Variants in GOSR2 observed in about 807,000 individuals in gnomAD.
The protein encoded by GOSR2 is golgi SNAP receptor complex member 2, also known as 27 kDa Golgi SNARE protein.
GOSR2 carries 20 observed loss-of-function variants against 27.9 expected under a neutral mutation model. That is an observed-to-expected ratio of 0.72 (90% CI 0.50 to 1.04). The LOEUF (loss-of-function observed/expected upper bound fraction) is 1.04, where lower values mean the gene tolerates loss of function less well. Among genes scored for constraint, GOSR2 ranks in the 50% least tolerant of loss-of-function variants. The probability of loss-of-function intolerance (pLI) is 0.00; values close to 1 mark genes in which losing one functional copy is unlikely to be tolerated. For missense variants in GOSR2, 261 were observed against 270.5 expected, an observed-to-expected ratio of 0.97 and a Z score of 0.25; for synonymous variants, 91 against 98.8, an observed-to-expected ratio of 0.92 and a Z score of 0.47.
chr17:46,929,607 C>T (rs1469974026), intron 2 of GOSR2, 23 bp downstream of exon 2: 22 of 1,217,994 alleles, frequency 1.8e-5, no homozygotes, highest in Non-Finnish European at 2.4e-5. Context: ...CTGTGGAGAC[C>T]AGAGTCCTTT....
chr17:46,966,577 G>C, exon 7 of GOSR2: 1 of 693,928 alleles, frequency 1.4e-6, no homozygotes, highest in Non-Finnish European at 2.6e-6. Flanking sequence ...CCGAACTCCT[G>C]AGCTCAAGAG....
At chr17:46,949,948 CCCT>C (rs1429879459) in intron 6 of GOSR2, among the ~76,000 whole-genome samples, 1 of 152,204 alleles carries the variant, frequency 6.6e-6, no homozygotes, top group East Asian at 1.9e-4. Context: ...TTAGTCCCTG[CCCT>C]CCTCCAGTCC....
chr17:46,939,041 C>T lies in GOSR2; in HGVS notation c.*281C>T. The T allele has an allele frequency of 3.1e-6, 4 of 1,270,636 alleles. No homozygotes were observed. The South Asian group carries it at 6.0e-5, about 19-fold the overall frequency. 78.7% of individuals were successfully genotyped at this position (1,270,636 alleles called of 1,614,324 possible). On this transcript the variant is annotated 3_prime_UTR_variant, in exon 6 of 6. Coordinates refer to ENST00000640051, the MANE Select transcript of GOSR2 (RefSeq NM_004287.5). The stretch of plus-strand genomic sequence containing the variant: ...TCTCACTGGGGGAGGGAAAGAATGG[C>T]TTTGGTGGCTTTGTTCACATAGCTG...
chr17:46,965,572 G>C lies in GOSR2; in HGVS notation c.584-962G>C, dbSNP rs74492298. Among the ~76,000 whole-genome samples the C allele has an allele frequency of 3.9e-5, 6 of 152,196 alleles. No individual in the cohort carries two copies. In the East Asian group the frequency reaches 9.7e-4, roughly 24 times the overall value. ...CATCCAATTTCCAGGAAATCCTCGTGGTTTCTGCTCCACCCAGGGCACCCC... is the reference window on the plus strand; with the variant it reads ...CATCCAATTTCCAGGAAATCCTCGTCGTTTCTGCTCCACCCAGGGCACCCC... On this transcript the variant is annotated intron_variant, in intron 6 of 6. Coordinates refer to the GOSR2 transcript ENST00000573224.
intron 6 of GOSR2, among the ~76,000 whole-genome samples, chr17:46,974,782 G>A (rs1329277324): frequency 6.7e-6 from 1 of 150,264 alleles, no homozygotes; most frequent in Non-Finnish European, 1.5e-5. Context: ...TTGAATCCCA[G>A]CTCTGCCCCT....
chr17:46,934,961 C>T (rs2088045078), intron 4 of GOSR2, 68 bp from the exon 5 acceptor site: 29 of 1,440,600 alleles, frequency 2.0e-5, no homozygotes, highest in African/African-American at 2.8e-5. Flanking sequence ...GGCCAAAAGA[C>T]AGAGCAGTGA....
intron 5 of GOSR2, 89 bp downstream of exon 5, chr17:46,935,258 G>A (rs756149432): frequency 1.2e-6 from 2 of 1,606,380 alleles, no homozygotes. Flanking sequence ...TTGATTACGT[G>A]TCCTCAAATT....
intron 1 of GOSR2, among the ~76,000 whole-genome samples, chr17:46,928,936 G>A (rs1482958433): frequency 6.6e-6 from 1 of 151,910 alleles, no homozygotes; most frequent in African/African-American, 2.4e-5. Context: ...CTGCTTGCCT[G>A]TGACACCACT....
chr17:46,933,764 A>G (rs942329657), intron 4 of GOSR2: 1 of 151,824 alleles, frequency 6.6e-6, no homozygotes, highest in African/African-American at 2.4e-5. Context: ...TCAGGAGTTC[A>G]CCATCCTGGG....
At position 46,940,131 on chromosome 17, in the gene GOSR2, C is replaced by T; in HGVS notation, c.*1371C>T. ...GTTCCTCTTCACCTCTCTTGTTCCC[C>T]TCCCCGCTGCTCTGTAGTCATGTTG... On this transcript the variant is annotated 3_prime_UTR_variant, in exon 6 of 6. Transcript: ENST00000640051. 3 of 1,247,450 alleles carry T rather than the reference C, an allele frequency of 2.4e-6. No homozygotes were observed. The highest frequency in any genetic ancestry group is 3.0e-6 in the Non-Finnish European group (3 of 989,582). The allele number at this position is 1,247,450 out of a possible 1,614,324, so 77.3% of individuals were successfully genotyped here. A position where few individuals can be genotyped will look rare whatever the true frequency, so the allele number is the denominator to read the frequency against.
In GOSR2 at chr17:46,939,096, A is replaced by G. The variant is rs1236429993; in HGVS notation, c.*336A>G. On this transcript the variant is annotated 3_prime_UTR_variant, in exon 6 of 6. Transcript: ENST00000640051. ...GTGCCCTGGGAAGGTGTCCACAGTG[A>G]GCCCTGTGTGCAGGACTGTCCACAC... is the stretch of plus-strand genomic sequence containing the variant. 3 of 1,211,462 alleles carry G rather than the reference A, an allele frequency of 2.5e-6. No homozygotes were observed. The highest frequency in any genetic ancestry group is 3.1e-6 in the Non-Finnish European group (3 of 956,914). The allele number at this position is 1,211,462 out of a possible 1,614,324, so 75.0% of individuals were successfully genotyped here.
intron 6 of GOSR2, among the ~76,000 whole-genome samples, chr17:46,953,683 A>G (rs375026718): frequency 2.6e-5 from 4 of 151,984 alleles, no homozygotes; most frequent in Admixed American, 6.6e-5. Context: ...AAGTGTTCCT[A>G]TTTCTCTCCA....
exon 7 of GOSR2, chr17:46,966,583 A>G: frequency 1.4e-6 from 1 of 693,008 alleles, no homozygotes; most frequent in Non-Finnish European, 2.6e-6. Context: ...TCCTGAGCTC[A>G]AGAGATCCTC....
chr17:46,974,987 CTTTTTTTTTTTTT>C (rs58438726), intron 6 of GOSR2, among the ~76,000 whole-genome samples: 2 of 119,050 alleles, frequency 1.7e-5, no homozygotes, highest in Admixed American at 8.9e-5. Flanking sequence ...TTACTATTTT[CTTTTTTTTTTTTT>C]TTTTTTTTTT....
intron 2 of GOSR2, chr17:46,930,871 A>C: frequency 2.1e-6 from 1 of 487,746 alleles, no homozygotes; most frequent in Non-Finnish European, 3.7e-6. Flanking sequence ...TTTTTTAAAA[A>C]ATTGGCATTG....
exon 7 of GOSR2, chr17:46,975,301 C>T (rs1342198236): frequency 6.6e-6 from 1 of 152,188 alleles, no homozygotes; most frequent in East Asian, 1.9e-4. Flanking sequence ...CAGGCCTTCT[C>T]TCTTGTGAAC....
chr17:46,933,748 G>A (rs910893714), intron 4 of GOSR2: 24 of 151,782 alleles, frequency 1.6e-4, no homozygotes, highest in African/African-American at 5.3e-4. Context: ...CAAGGCAGTG[G>A]ATTGTTCAGG....
intron 6 of GOSR2, among the ~76,000 whole-genome samples, chr17:46,955,316 G>A (rs959620940): frequency 4.0e-5 from 6 of 151,558 alleles, no homozygotes; most frequent in African/African-American, 7.3e-5. Context: ...GCTGGATTAC[G>A]TTTATTGATT....
At position 46,941,101 on chromosome 17, in the gene GOSR2, G is replaced by C; in HGVS notation, c.*2341G>C. On this transcript the variant is annotated 3_prime_UTR_variant, in exon 6 of 6. Transcript: ENST00000640051. ...TACATGAGTTTGGTGTGCCTATTGTGATTTAAAACAGGTGGGTTATCAAGA... is the reference window on the plus strand; with the variant it reads ...TACATGAGTTTGGTGTGCCTATTGTCATTTAAAACAGGTGGGTTATCAAGA... The C allele has an allele frequency of 9.8e-7, 1 of 1,024,242 alleles. No homozygotes were observed. Among genetic ancestry groups the C allele is most frequent in the Non-Finnish European group, 1.2e-6 (1 of 851,872 alleles). The allele number at this position is 1,024,242 out of a possible 1,614,324, so 63.4% of individuals were successfully genotyped here.
Sources: gnomAD v4.1 joint callset for allele counts (sites outside exome capture counted in the v4.1 genomes callset) on GRCh38, gnomAD v4.1.1 for gene constraint, MANE v1.5 for transcripts, NCBI Gene and HGNC (gene_info 2026-07-23, HGNC 2026-07-21) for gene names.